Variants in SNCAIP observed in about 807,000 individuals in gnomAD.
The protein encoded by SNCAIP is synphilin-1.
Under a neutral mutation model 86.7 loss-of-function variants are expected in SNCAIP, and 43 were observed. The observed-to-expected ratio is 0.50, with a 90% CI of 0.39 to 0.64. The LOEUF (loss-of-function observed/expected upper bound fraction) is 0.64, where lower values mean the gene tolerates loss of function less well. Among genes scored for constraint, SNCAIP ranks in the 30% least tolerant of loss-of-function variants. The probability of loss-of-function intolerance (pLI) is 0.00; values close to 1 mark genes in which losing one functional copy is unlikely to be tolerated. For synonymous variants in SNCAIP, 417 were observed against 427.2 expected (o/e 0.98, Z 0.29); for missense variants, 981 against 1,103.1 (o/e 0.89, Z 1.57).
At chr5:122,427,379 T>G (rs1275267377) in intron 5 of SNCAIP, among the ~76,000 whole-genome samples, 2 of 150,738 alleles carry the variant, frequency 1.3e-5, no homozygotes, top group Non-Finnish European at 3.0e-5. Flanking sequence ...CAGCAGTGTT[T>G]TTTTTTTTTT....
At chr5:122,414,836 A>G (rs1029402833) in intron 3 of SNCAIP, among the ~76,000 whole-genome samples, 2 of 152,214 alleles carry the variant, frequency 1.3e-5, no homozygotes, top group East Asian at 1.9e-4. Context: ...TATACTTAAA[A>G]TTCTCTGAGT....
chr5:122,370,554 G>A (rs943527675), intron 1 of SNCAIP, among the ~76,000 whole-genome samples: 3 of 152,094 alleles, frequency 2.0e-5, no homozygotes, highest in African/African-American at 7.2e-5. Flanking sequence ...AGCTAATTAA[G>A]TGCAGTCTTA....
intron 10 of SNCAIP, chr5:122,452,933 C>T (rs1359421151): frequency 5.2e-6 from 8 of 1,546,356 alleles, no homozygotes; most frequent in South Asian, 2.4e-5. Flanking sequence ...AGGAAATGTA[C>T]AGCAGCTGCA....
chr5:122,443,077 C>T (rs1176398877), intron 7 of SNCAIP, among the ~76,000 whole-genome samples: 1 of 152,150 alleles, frequency 6.6e-6, no homozygotes, highest in African/African-American at 2.4e-5. Context: ...GAGCTCAATA[C>T]TGACATGGTC....
At chr5:122,434,595 TA>T (rs1467748397) in intron 6 of SNCAIP, among the ~76,000 whole-genome samples, 2 of 152,156 alleles carry the variant, frequency 1.3e-5, no homozygotes, top group African/African-American at 4.8e-5. Context: ...TTCAAGATGA[TA>T]TGCATTTTTT....
intron 3 of SNCAIP, among the ~76,000 whole-genome samples, chr5:122,416,223 T>G (rs1201370227): frequency 6.6e-6 from 1 of 152,144 alleles, no homozygotes; most frequent in Non-Finnish European, 1.5e-5. Context: ...GAGCTGGGAA[T>G]AATAAAACAT....
intron 1 of SNCAIP, among the ~76,000 whole-genome samples, chr5:122,364,465 A>C (rs190778268): frequency 1.3e-4 from 20 of 152,354 alleles, no homozygotes; most frequent in African/African-American, 4.6e-4. Flanking sequence ...CACTGTGCCC[A>C]GCCAATTTTC....
At chr5:122,315,395 T>C (rs1751499838) in intron 1 of SNCAIP, among the ~76,000 whole-genome samples, 1 of 152,130 alleles carries the variant, frequency 6.6e-6, no homozygotes, top group South Asian at 2.1e-4. Flanking sequence ...CAACCTGCAA[T>C]GCAAAAGCAA....
At chr5:122,440,526 G>A (rs1051714979) in intron 6 of SNCAIP, 103 bp from the exon 7 acceptor site, 72 of 1,134,564 alleles carry the variant, frequency 6.3e-5, no homozygotes, top group Non-Finnish European at 8.8e-5. Flanking sequence ...GGTAAGCATG[G>A]TTTTACCTAA....
At chr5:122,391,053 T>G (rs1242160841) in intron 1 of SNCAIP, 36 bp from the exon 2 acceptor site, 1 of 1,170,064 alleles carries the variant, frequency 8.5e-7, no homozygotes, top group Non-Finnish European at 1.3e-6. Flanking sequence ...ACGGCTAAAT[T>G]TTTTTGCCTT....
intron 5 of SNCAIP, 61 bp downstream of exon 5, chr5:122,425,592 C>A: frequency 7.2e-7 from 1 of 1,381,680 alleles, no homozygotes; most frequent in Non-Finnish European, 1.0e-6. Flanking sequence ...TTTTAAGATT[C>A]CTTGTGAGCT....
rs1261668503 is a variant in SNCAIP, at chr5:122,450,703, T to A, written c.1856T>A (p.Ile619Asn). 9.3e-6 allele frequency: 15 copies of A among 1,614,042 alleles called. No individual in the cohort carries two copies. The highest frequency in any genetic ancestry group is 1.3e-5 in the Non-Finnish European group (15 of 1,180,034). Reference sequence around the variant, plus strand: ...GCAAAAGATGAAGATTCTGATAAAATCTTACGCCAGTTATTGGGAAAGGAA... The same window carrying A: ...GCAAAAGATGAAGATTCTGATAAAAACTTACGCCAGTTATTGGGAAAGGAA... ...PKAKDEDSDK[I>N]LRQLLGKEIS... The change falls in exon 10 of 11, where the codon ATC becomes AAC. Residue 619 changes from isoleucine to asparagine, a missense_variant. Physicochemically the swap from Ile to Asn is moderately radical, Grantham distance 149. Transcript: ENST00000261368.
chr5:122,353,945 G>A (rs906892695), intron 1 of SNCAIP, among the ~76,000 whole-genome samples: 2 of 152,148 alleles, frequency 1.3e-5, no homozygotes, highest in South Asian at 2.1e-4. Flanking sequence ...GAAGAAAGGC[G>A]AGCTCCTCCA....
chr5:122,342,770 A>G (rs969050437), intron 1 of SNCAIP, among the ~76,000 whole-genome samples: 2 of 152,216 alleles, frequency 1.3e-5, no homozygotes, highest in Non-Finnish European at 2.9e-5. Context: ...ACCAGTATGT[A>G]TGATGCATTC....
chr5:122,378,143 T>G (rs1765782340), intron 1 of SNCAIP, among the ~76,000 whole-genome samples: 1 of 147,564 alleles, frequency 6.8e-6, no homozygotes, highest in African/African-American at 2.5e-5. Flanking sequence ...TGAACTAGTT[T>G]ACAGTCCCAC....
intron 3 of SNCAIP, among the ~76,000 whole-genome samples, chr5:122,409,410 G>A (rs1392886489): frequency 2.6e-5 from 4 of 152,118 alleles, no homozygotes; most frequent in African/African-American, 9.7e-5. Context: ...ATTTTCTTAT[G>A]AAAGAAGGCA....
chr5:122,345,614 C>T (rs999152087), intron 1 of SNCAIP, among the ~76,000 whole-genome samples: 15 of 152,144 alleles, frequency 9.9e-5, no homozygotes, highest in African/African-American at 3.6e-4. Context: ...TATTCCCATC[C>T]TCCGTTTATG....
At chr5:122,345,537 C>T (rs1051971024) in intron 1 of SNCAIP, among the ~76,000 whole-genome samples, 2 of 152,132 alleles carry the variant, frequency 1.3e-5, no homozygotes, top group African/African-American at 4.8e-5. Context: ...TTGCCTCCCC[C>T]AGTCTCACAG....
chr5:122,425,458 C>A lies in SNCAIP; in HGVS notation c.1109C>A (p.Thr370Asn). The stretch of plus-strand genomic sequence containing the variant: ...CACGCAGAGTGTCTACAGCACCTCA[C>A]TTCTTTGATGGGAGAAGACTGCCTC... ...QGHAECLQHL[T>N]SLMGEDCLNE... is the part of the protein sequence containing the mutation. The change falls in exon 5 of 11, where the codon ACT becomes AAT. Residue 370 changes from threonine (T) to asparagine (N), a missense_variant. By Grantham distance (65) the Thr-to-Asn change is moderately conservative. Coordinates refer to ENST00000261368, the MANE Select transcript of SNCAIP (RefSeq NM_005460.4). 6.2e-7 allele frequency: 1 copy of A among 1,614,116 alleles called. No homozygotes were observed. Among genetic ancestry groups the A allele is most frequent in the Non-Finnish European group, 8.5e-7 (1 of 1,179,958 alleles).
Sources: gnomAD v4.1 joint callset for allele counts (sites outside exome capture counted in the v4.1 genomes callset) on GRCh38, gnomAD v4.1.1 for gene constraint, MANE v1.5 for transcripts, NCBI Gene and HGNC (gene_info 2026-07-23, HGNC 2026-07-21) for gene names.